The following ANO4 variants were observed in gnomAD, a reference collection of about 807,000 sequenced individuals.
The protein encoded by ANO4 is anoctamin-4.
A neutral mutation model predicts 141.9 loss-of-function variants in ANO4; 69 were observed. The ratio of observed to expected loss-of-function variants is 0.49; its 90% CI spans 0.40 to 0.59. ANO4 has a LOEUF of 0.59. Ranked by LOEUF, ANO4 falls within the 20% of genes least tolerant of loss-of-function variation. The pLI, the probability that ANO4 is intolerant of heterozygous loss-of-function variation, is 0.00. For synonymous variants in ANO4, 350 were observed against 394.3 expected (o/e 0.89, Z 1.33); for missense variants, 894 against 1,162.2 (o/e 0.77, Z 3.36).
chr12:101,014,160 G>A (rs1381098980), intron 8 of ANO4, among the ~76,000 whole-genome samples: 2 of 151,970 alleles, frequency 1.3e-5, no homozygotes, highest in Non-Finnish European at 2.9e-5. Flanking sequence ...GCTTTGCACA[G>A]AACAAACATA....
At chr12:100,906,977 G>A (rs963320810) in intron 2 of ANO4, among the ~76,000 whole-genome samples, 3 of 152,132 alleles carry the variant, frequency 2.0e-5, no homozygotes, top group Admixed American at 1.3e-4. Context: ...AGAGATTGAC[G>A]ACATTCAGAG....
intron 14 of ANO4, among the ~76,000 whole-genome samples, chr12:101,073,656 A>T (rs1232822081): frequency 6.6e-6 from 1 of 151,674 alleles, no homozygotes; most frequent in Admixed American, 6.6e-5. Context: ...TGTGTCTGTG[A>T]TGGGCCTTAT....
chr12:100,966,884 T>C (rs11110603), intron 5 of ANO4, among the ~76,000 whole-genome samples: 35 of 147,570 alleles, frequency 2.4e-4, no homozygotes, highest in African/African-American at 5.5e-4. Flanking sequence ...CACACACACA[T>C]ACACACACAC....
chr12:101,080,284 T>C (rs1156541307), intron 15 of ANO4, among the ~76,000 whole-genome samples: 1 of 152,160 alleles, frequency 6.6e-6, no homozygotes, highest in African/African-American at 2.4e-5. Context: ...TTGTTGTTTG[T>C]TTCCTTCACA....
intron 1 of ANO4, among the ~76,000 whole-genome samples, chr12:100,864,992 T>G (rs1295545460): frequency 3.3e-5 from 5 of 152,210 alleles, no homozygotes; most frequent in Admixed American, 2.6e-4. Context: ...GCTTCATCCA[T>G]GGTGTATATG....
intron 3 of ANO4, among the ~76,000 whole-genome samples, chr12:100,925,668 C>T (rs963834451): frequency 3.4e-4 from 51 of 151,004 alleles, no homozygotes; most frequent in African/African-American, 1.2e-3. Context: ...ATACAGAATT[C>T]TGAACATCAG....
At chr12:101,065,384 A>G (rs575255668) in intron 14 of ANO4, among the ~76,000 whole-genome samples, 1 of 152,310 alleles carries the variant, frequency 6.6e-6, no homozygotes, top group African/African-American at 2.4e-5. Context: ...TTGATTATTA[A>G]GAGAGAAGAC....
intron 3 of ANO4, among the ~76,000 whole-genome samples, chr12:100,757,070 C>G (rs181042483): frequency 6.6e-6 from 1 of 152,192 alleles, no homozygotes; most frequent in East Asian, 1.9e-4. Flanking sequence ...AACTGTTAGT[C>G]TGACGGTTTT....
chr12:101,089,732 C>A (rs1006537074), intron 17 of ANO4, among the ~76,000 whole-genome samples: 5 of 152,248 alleles, frequency 3.3e-5, no homozygotes, highest in South Asian at 2.1e-4. Context: ...GCAACAAAAG[C>A]CAAAATTGAC....
intron 15 of ANO4, among the ~76,000 whole-genome samples, chr12:101,080,956 C>CATAT (rs572735757): frequency 1.0e-4 from 14 of 136,576 alleles, no homozygotes; most frequent in African/African-American, 3.8e-4. Flanking sequence ...AATTTTCAAA[C>CATAT]ATATATATAT....
At chr12:100,900,756 C>T (rs555118857) in intron 1 of ANO4, among the ~76,000 whole-genome samples, 19 of 152,228 alleles carry the variant, frequency 1.2e-4, no homozygotes, top group African/African-American at 2.9e-4. Context: ...TCTTTCTTAT[C>T]GGTGTTTCTT....
intron 8 of ANO4, among the ~76,000 whole-genome samples, chr12:100,991,950 A>C (rs1459010434): frequency 1.3e-5 from 2 of 152,158 alleles, no homozygotes; most frequent in Non-Finnish European, 2.9e-5. Context: ...TGTCTCAGTA[A>C]ACAGCACTAA....
intron 7 of ANO4, among the ~76,000 whole-genome samples, chr12:100,980,069 A>G (rs1430880626): frequency 6.6e-6 from 1 of 152,094 alleles, no homozygotes; most frequent in East Asian, 1.9e-4. Flanking sequence ...AGCTGAAGGA[A>G]TGGCTTACAA....
chr12:100,959,478 G>A (rs2043314348), intron 5 of ANO4, among the ~76,000 whole-genome samples: 1 of 152,094 alleles, frequency 6.6e-6, no homozygotes, highest in South Asian at 2.1e-4. Flanking sequence ...TGAAAGATTT[G>A]TCTAGTGTCC....
Position 101,105,438 on chromosome 12 carries a change from A to G in ANO4, c.2150-4966A>G, listed in dbSNP as rs532938685. 1.9e-3 allele frequency among the ~76,000 whole-genome samples: 295 copies of G among 152,370 alleles called. 3 individuals carry two copies. Among genetic ancestry groups the G allele is most frequent in the African/African-American group, 6.7e-3 (280 of 41,596 alleles). On this transcript the variant is annotated intron_variant, in intron 22 of 27. Coordinates refer to ENST00000392977, the MANE Select transcript of ANO4 (RefSeq NM_001286615.2). ...TTTTACAGCCATTTAAAATATAGCC[A>G]TTTAAAATGTAAAAACTATTCTTAG... is the stretch of plus-strand genomic sequence containing the variant.
chr12:100,759,697 G>A (rs1344177019), intron 3 of ANO4, among the ~76,000 whole-genome samples: 1 of 152,122 alleles, frequency 6.6e-6, no homozygotes, highest in Non-Finnish European at 1.5e-5. Context: ...TTCTTAGGAG[G>A]GCCAGGTGAA....
Position 101,083,746 on chromosome 12 carries a change from G to T in ANO4, c.1464G>T (p.Lys488Asn). 6.2e-7 allele frequency: 1 copy of T among 1,606,660 alleles called. No homozygotes were observed. The highest frequency in any genetic ancestry group is 1.1e-5 in the South Asian group (1 of 88,800). ...AGCGGATGAATCCAATTTCTGGAAAGCCAGAACCTTATCAAGCATTTACAG... is the reference window on the plus strand; with the variant it reads ...AGCGGATGAATCCAATTTCTGGAAATCCAGAACCTTATCAAGCATTTACAG... Reference protein sequence around the residue: ...KKERMNPISGKPEPYQAFTDK... With the variant: ...KKERMNPISGNPEPYQAFTDK... The change falls in exon 16 of 28, where the codon AAG becomes AAT. Residue 488 changes from lysine to asparagine, a missense_variant. Physicochemically the swap from Lys to Asn is moderately conservative, Grantham distance 94. Coordinates refer to ENST00000392977, the MANE Select transcript of ANO4 (RefSeq NM_001286615.2).
At chr12:100,833,112 A>G (rs1300055414) in intron 1 of ANO4, among the ~76,000 whole-genome samples, 5 of 152,122 alleles carry the variant, frequency 3.3e-5, no homozygotes, top group Non-Finnish European at 7.4e-5. Flanking sequence ...ACTGGGGGAG[A>G]GGATGCACAC....
chr12:100,760,908 C>T (rs2032831159), intron 3 of ANO4, among the ~76,000 whole-genome samples: 1 of 152,102 alleles, frequency 6.6e-6, no homozygotes, highest in South Asian at 2.1e-4. Context: ...GGAACATGGT[C>T]CTTTCTGGGT....
Sources: allele counts gnomAD v4.1 joint callset (sites outside exome capture counted in the v4.1 genomes callset), GRCh38; gene constraint gnomAD v4.1.1; transcripts MANE v1.5; gene names NCBI Gene and HGNC (gene_info 2026-07-23, HGNC 2026-07-21).